TRIM9: variants seen among roughly 807,000 people sequenced by gnomAD.
The protein encoded by TRIM9 is E3 ubiquitin-protein ligase TRIM9.
A neutral mutation model predicts 78.3 loss-of-function variants in TRIM9; 26 were observed. That is an observed-to-expected ratio of 0.33 (90% confidence interval 0.24 to 0.46). The LOEUF (loss-of-function observed/expected upper bound fraction) is 0.46, where lower values mean the gene tolerates loss of function less well. Ranked by LOEUF, TRIM9 falls within the 20% of genes least tolerant of loss-of-function variation. The probability of loss-of-function intolerance (pLI) is 1.00; values close to 1 mark genes in which losing one functional copy is unlikely to be tolerated. For synonymous variants in TRIM9, 398 were observed against 416.5 expected (o/e 0.96, Z 0.54); for missense variants, 787 against 1,036.4 (o/e 0.76, Z 3.30).
chr14:51,094,204 T>C lies in TRIM9; in HGVS notation c.736A>G (p.Met246Val), dbSNP rs761194799. 9 of 1,614,202 alleles carry C rather than the reference T, an allele frequency of 5.6e-6. No individual in the cohort carries two copies. In the Admixed American group the frequency reaches 1.5e-4, roughly 27 times the overall value. The change falls in exon 1 of 13, where the codon ATG (methionine) becomes GTG (valine). Residue 246 changes from methionine to valine, a missense_variant. Met to Val is a conservative substitution (Grantham distance 21). Coordinates refer to ENST00000684578, the MANE Select transcript of TRIM9 (RefSeq NM_001387360.1). ...TCCAAGCACTGGTAGCACACGGGCATCTTGCATTGCACGCAGTACATGCTG... is the reference window on the plus strand; with the variant it reads ...TCCAAGCACTGGTAGCACACGGGCACCTTGCATTGCACGCAGTACATGCTG... ...NHSMYCVQCK[M>V]PVCYQCLEEG...
Position 51,054,923 on chromosome 14 carries a change from G to A in TRIM9, c.823-29563C>T, listed in dbSNP as rs556355445. Reference sequence around the variant, plus strand: ...TGGCTCACTGCAACCTCTGCCTCCTGGGTTCAAGTGATTCTCCTGCCTCAG... The same window carrying A: ...TGGCTCACTGCAACCTCTGCCTCCTAGGTTCAAGTGATTCTCCTGCCTCAG... On this transcript the variant is annotated intron_variant, in intron 1 of 12. Coordinates refer to ENST00000684578, the MANE Select transcript of TRIM9 (RefSeq NM_001387360.1). 7.9e-5 allele frequency among the ~76,000 whole-genome samples: 12 copies of A among 151,598 alleles called. No homozygotes were observed. The East Asian group carries it at 2.0e-3, about 25-fold the overall frequency.
intron 3 of TRIM9, among the ~76,000 whole-genome samples, chr14:51,013,189 C>T (rs1415638478): frequency 6.7e-6 from 1 of 149,182 alleles, no homozygotes; most frequent in Admixed American, 6.7e-5. Flanking sequence ...GTTATGAGGT[C>T]ATTTTTGGAT....
chr14:50,979,224 AT>A, intron 12 of TRIM9, 162 bp downstream of exon 12: 1 of 1,473,142 alleles, frequency 6.8e-7, no homozygotes, highest in Non-Finnish European at 9.0e-7. Flanking sequence ...GTGGAATAAA[AT>A]AAGTTGCCAG....
intron 10 of TRIM9, 39 bp from the exon 11 acceptor site, chr14:50,982,142 C>A: frequency 6.2e-7 from 1 of 1,603,808 alleles, no homozygotes. Context: ...TTAAGACAGA[C>A]CCAACAAGCT....
chr14:50,999,542 G>A (rs577884744), intron 6 of TRIM9, among the ~76,000 whole-genome samples: 28 of 152,250 alleles, frequency 1.8e-4, no homozygotes, highest in African/African-American at 6.3e-4. Context: ...TAGAAGACAA[G>A]GCCCCTGCTC....
At chr14:51,048,954 A>G (rs968599705) in intron 1 of TRIM9, among the ~76,000 whole-genome samples, 3 of 151,054 alleles carry the variant, frequency 2.0e-5, no homozygotes, top group Non-Finnish European at 2.9e-5. Flanking sequence ...ACTGCACTCC[A>G]GCCTAGGTGA....
At chr14:51,010,720 A>G (rs976900165) in intron 3 of TRIM9, among the ~76,000 whole-genome samples, 1 of 152,196 alleles carries the variant, frequency 6.6e-6, no homozygotes, top group Admixed American at 6.5e-5. Flanking sequence ...TCAGAAGGGA[A>G]GGCAGGTAGA....
intron 1 of TRIM9, among the ~76,000 whole-genome samples, chr14:51,029,174 A>G (rs1202492827): frequency 1.3e-5 from 2 of 152,154 alleles, no homozygotes; most frequent in African/African-American, 4.8e-5. Context: ...CAAATATTGG[A>G]TAGCGATAAA....
chr14:51,074,716 C>T (rs983981254), intron 1 of TRIM9, among the ~76,000 whole-genome samples: 5 of 152,168 alleles, frequency 3.3e-5, no homozygotes, highest in East Asian at 1.9e-4. Context: ...GCTGTTCCGC[C>T]CAGGATAAGG....
At chr14:50,994,002 T>C (rs1032519060) in intron 7 of TRIM9, among the ~76,000 whole-genome samples, 3 of 152,332 alleles carry the variant, frequency 2.0e-5, no homozygotes, top group South Asian at 4.1e-4. Context: ...GAATATGTTA[T>C]TATCCATGGC....
rs760852400 is a variant in TRIM9, at chr14:51,022,865, G to A, written c.1011C>T (p.Arg337=). The change falls in exon 3 of 13, where the codon CGC becomes CGT. Residue 337 remains arginine (R), a synonymous_variant. Transcript: ENST00000684578. ...GCTTGTGCTCATGCTCCTTGTTGAC[G>A]CGGGCCAGCAGCTGGGCTTTTCTTC... ...LNRRKAQLLA[R]VNKEHEHKLK... is the part of the protein sequence containing the mutation. 22 of 1,613,980 alleles carry A rather than the reference G, an allele frequency of 1.4e-5. No individual in the cohort carries two copies. Among genetic ancestry groups the A allele is most frequent in the East Asian group, 8.9e-5 (4 of 44,884 alleles).
chr14:50,997,914 G>A (rs999255169), intron 7 of TRIM9, 136 bp downstream of exon 7: 10 of 1,486,470 alleles, frequency 6.7e-6, no homozygotes, highest in Admixed American at 6.7e-5. Context: ...GAGGAACAGC[G>A]GCTCTGTGCA....
intron 1 of TRIM9, among the ~76,000 whole-genome samples, chr14:51,081,817 C>T (rs149887818): frequency 1.6e-3 from 249 of 152,324 alleles, no homozygotes; most frequent in African/African-American, 5.1e-3. Flanking sequence ...ATGGCAGAGA[C>T]GCATGGAGTA....
chr14:51,048,657 G>A (rs1369378088), intron 1 of TRIM9, among the ~76,000 whole-genome samples: 1 of 152,050 alleles, frequency 6.6e-6, no homozygotes, highest in Non-Finnish European at 1.5e-5. Context: ...GGAAGCACCT[G>A]GTTCTACTTT....
chr14:51,080,154 T>C (rs1339638327), intron 1 of TRIM9, among the ~76,000 whole-genome samples: 3 of 151,808 alleles, frequency 2.0e-5, no homozygotes, highest in African/African-American at 7.3e-5. Flanking sequence ...TTTTCTTTTC[T>C]AGACACATGT....
intron 1 of TRIM9, among the ~76,000 whole-genome samples, chr14:51,035,332 T>C (rs2139914438): frequency 6.6e-6 from 1 of 152,338 alleles, no homozygotes; most frequent in East Asian, 1.9e-4. Flanking sequence ...ACTGTATAGA[T>C]CTAAGTGGAA....
At chr14:51,042,798 C>G (rs1405294991) in intron 1 of TRIM9, among the ~76,000 whole-genome samples, 1 of 152,134 alleles carries the variant, frequency 6.6e-6, no homozygotes. Flanking sequence ...CCAAGACTAA[C>G]CTACTCTGGT....
At chr14:51,016,124 C>T (rs1412535505) in intron 3 of TRIM9, among the ~76,000 whole-genome samples, 2 of 152,282 alleles carry the variant, frequency 1.3e-5, no homozygotes, top group South Asian at 2.1e-4. Flanking sequence ...GGCATATTAC[C>T]TATGCACATC....
At position 50,977,179 on chromosome 14, in the gene TRIM9, T is replaced by C. The variant is rs1169522986; in HGVS notation, c.*112A>G. 3.6e-6 allele frequency: 3 copies of C among 825,512 alleles called. No homozygotes were observed. The highest frequency in any genetic ancestry group is 6.5e-5 in the South Asian group (2 of 30,618). The allele number at this position is 825,512 out of a possible 1,614,324, so 51.1% of individuals were successfully genotyped here. ...CTGCAGAGGACCAGCTTTTCTCTCCTCCTTCTCCCACTCCTGCCAACTCTG... is the reference window on the plus strand; with the variant it reads ...CTGCAGAGGACCAGCTTTTCTCTCCCCCTTCTCCCACTCCTGCCAACTCTG... On this transcript the variant is annotated 3_prime_UTR_variant, in exon 13 of 13. Coordinates refer to ENST00000684578, the MANE Select transcript of TRIM9 (RefSeq NM_001387360.1).
Sources: gnomAD v4.1 joint callset for allele counts (sites outside exome capture counted in the v4.1 genomes callset) on GRCh38, gnomAD v4.1.1 for gene constraint, MANE v1.5 for transcripts, NCBI Gene and HGNC (gene_info 2026-07-23, HGNC 2026-07-21) for gene names.